Variants in COL4A6 observed in about 807,000 individuals in gnomAD.
The protein encoded by COL4A6 is collagen alpha-6(IV) chain.
COL4A6 carries 59 observed loss-of-function variants against 126.7 expected under a neutral mutation model. The observed-to-expected ratio is 0.47, with a 90% CI of 0.38 to 0.58. The LOEUF is 0.58. Ranked by LOEUF, COL4A6 falls within the 20% of genes least tolerant of loss-of-function variation. COL4A6 has a pLI of 0.00. For missense variants in COL4A6, 1,285 were observed against 1,337.3 expected (o/e 0.96, Z 0.61); for synonymous variants, 547 against 496.6 (o/e 1.10, Z -1.35).
chrX:108,206,887 T>A, intron 8 of COL4A6: 1 of 336,725 alleles, frequency 3.0e-6, no homozygotes, highest in South Asian at 3.3e-5. Flanking sequence ...TCATTCCCTT[T>A]ACATGAAGTT....
At chrX:108,214,300 GA>G in intron 5 of COL4A6, 72 bp from the exon 6 acceptor site, 1 of 729,006 alleles carries the variant, frequency 1.4e-6, no homozygotes, top group South Asian at 2.5e-5. Flanking sequence ...TCCACAGCGA[GA>G]AAAGCCAAGC....
chrX:108,266,165 G>A (rs1028064026), intron 3 of COL4A6, among the ~76,000 whole-genome samples: 1 of 111,443 alleles, frequency 9.0e-6, no homozygotes, highest in African/African-American at 3.3e-5. Context: ...AATGAACCTT[G>A]GGAAGATAGA....
At position 108,180,911 on chromosome X, in the gene COL4A6, G is replaced by T. The variant is rs757442108; in HGVS notation, c.2009C>A (p.Thr670Asn). Residue 670 changes from threonine (T) to asparagine (N), a missense_variant, in exon 24 of 45, where the codon ACT becomes AAT. By Grantham distance (65) the Thr-to-Asn change is moderately conservative (BLOSUM62 0). Coordinates refer to ENST00000334504, the MANE Select transcript of COL4A6 (RefSeq NM_033641.4). ...TCATTCCATACCTGGGAATCCGGGA[G>T]TGCCTGGAAATCCTGATGGACCGTA... ...GSYGPSGFPG[T>N]PGFPGPKGSR... 5 of 1,210,623 alleles carry T rather than the reference G, an allele frequency of 4.1e-6. No individual in the cohort carries two copies. The highest frequency in any genetic ancestry group is 2.2e-5 in the Admixed American group (1 of 46,104).
At chrX:108,233,755 A>G (rs1048989216) in intron 3 of COL4A6, among the ~76,000 whole-genome samples, 3 of 112,218 alleles carry the variant, frequency 2.7e-5, no homozygotes, top group Non-Finnish European at 5.6e-5. Flanking sequence ...ATAGCCTGCC[A>G]TATAATCATG....
intron 2 of COL4A6, among the ~76,000 whole-genome samples, chrX:108,356,045 C>T (rs998995064): frequency 4.6e-5 from 5 of 109,024 alleles, no homozygotes; most frequent in Non-Finnish European, 9.5e-5. Flanking sequence ...TTATCTGCAC[C>T]CATTAACTCG....
chrX:108,298,388 C>T (rs961866817), intron 3 of COL4A6, among the ~76,000 whole-genome samples: 3 of 112,536 alleles, frequency 2.7e-5, no homozygotes, highest in Middle Eastern at 4.6e-3. Flanking sequence ...TCCAGGGCTA[C>T]CTTGGCAGCC....
intron 30 of COL4A6, 137 bp from the exon 31 acceptor site, chrX:108,174,758 A>G (rs2034425833): frequency 1.9e-6 from 1 of 533,507 alleles, no homozygotes; most frequent in African/African-American, 2.4e-5. Flanking sequence ...TGAAGTGGGG[A>G]GAGATGCTTT....
intron 2 of COL4A6, among the ~76,000 whole-genome samples, chrX:108,329,715 T>A (rs1234459951): frequency 8.9e-6 from 1 of 111,837 alleles, no homozygotes; most frequent in African/African-American, 3.3e-5. Context: ...AATTGGTACA[T>A]GGGAGGAGTT....
At chrX:108,338,379 A>G (rs1318428857) in intron 2 of COL4A6, among the ~76,000 whole-genome samples, 1 of 111,998 alleles carries the variant, frequency 8.9e-6, no homozygotes, top group Non-Finnish European at 1.9e-5. Context: ...AGATGGAAAA[A>G]AGTAGAGAGG....
In COL4A6 at chrX:108,184,838, C is replaced by T. The variant is rs2034804417; in HGVS notation, c.1951+2258G>A. ...GGGATAAAAATGGTCCTGCAAGCTTCCTTCTGTTCACTCAGCTGGTTCTCA... is the reference window on the plus strand; with the variant it reads ...GGGATAAAAATGGTCCTGCAAGCTTTCTTCTGTTCACTCAGCTGGTTCTCA... On this transcript the variant is annotated intron_variant, in intron 23 of 44. Coordinates refer to ENST00000334504, the MANE Select transcript of COL4A6 (RefSeq NM_033641.4). 6.2e-5 allele frequency among the ~76,000 whole-genome samples: 7 copies of T among 112,475 alleles called. No individual in the cohort carries two copies. In the South Asian group the frequency reaches 2.6e-3, roughly 42 times the overall value.
At chrX:108,250,651 G>C (rs934705152) in intron 3 of COL4A6, among the ~76,000 whole-genome samples, 1 of 111,213 alleles carries the variant, frequency 9.0e-6, no homozygotes, top group African/African-American at 3.3e-5. Context: ...TGTAGAACCA[G>C]TCACAATGCC....
chrX:108,319,022 G>C (rs941868654), intron 2 of COL4A6, among the ~76,000 whole-genome samples: 2 of 112,726 alleles, frequency 1.8e-5, no homozygotes, highest in Non-Finnish European at 3.7e-5. Flanking sequence ...ACAACATGGA[G>C]AGTAGGAGAG....
At chrX:108,434,820 A>G (rs1445484736) in intron 2 of COL4A6, among the ~76,000 whole-genome samples, 1 of 108,801 alleles carries the variant, frequency 9.2e-6, no homozygotes, top group Non-Finnish European at 1.9e-5. Flanking sequence ...CACGTATATT[A>G]TATGTTGTGA....
intron 3 of COL4A6, among the ~76,000 whole-genome samples, chrX:108,227,282 C>T (rs757663688): frequency 2.8e-4 from 31 of 111,796 alleles, no homozygotes; most frequent in Middle Eastern, 4.2e-3. Context: ...AGCCAGTGGC[C>T]CAGGTACAGC....
At chrX:108,388,926 A>T (rs191336368) in intron 2 of COL4A6, among the ~76,000 whole-genome samples, 1 of 111,340 alleles carries the variant, frequency 9.0e-6, no homozygotes, top group Admixed American at 9.5e-5. Flanking sequence ...CTTTGTTCTC[A>T]TTGGTTCCAA....
chrX:108,372,731 C>T (rs2040355802), intron 2 of COL4A6, among the ~76,000 whole-genome samples: 1 of 112,035 alleles, frequency 8.9e-6, no homozygotes, highest in Admixed American at 9.5e-5. Flanking sequence ...TCCAGGCAAA[C>T]GAGGGCTACA....
intron 2 of COL4A6, among the ~76,000 whole-genome samples, chrX:108,421,946 T>C (rs2063987904): frequency 8.9e-6 from 1 of 112,523 alleles, no homozygotes; most frequent in Admixed American, 9.4e-5. Flanking sequence ...AGCTTTTTGT[T>C]GCCTAAAATA....
At chrX:108,216,682 G>A (rs2035865183) in intron 5 of COL4A6, among the ~76,000 whole-genome samples, 1 of 112,597 alleles carries the variant, frequency 8.9e-6, no homozygotes, top group African/African-American at 3.2e-5. Context: ...TTTGAGGGGG[G>A]AAACCACAGT....
intron 2 of COL4A6, 21 bp downstream of exon 2, chrX:108,437,921 G>C: frequency 8.3e-7 from 1 of 1,209,931 alleles, no homozygotes; most frequent in Non-Finnish European, 1.1e-6. Flanking sequence ...GGACGGAAAA[G>C]GGTCGTGAGA....
Sources: gnomAD v4.1 joint callset for allele counts (sites outside exome capture counted in the v4.1 genomes callset) on GRCh38, gnomAD v4.1.1 for gene constraint, MANE v1.5 for transcripts, NCBI Gene and HGNC (gene_info 2026-07-23, HGNC 2026-07-21) for gene names.